The following NRAP variants were observed in gnomAD, a reference collection of about 807,000 sequenced individuals.
NRAP encodes the protein nebulin-related-anchoring protein.
In NRAP, 189 loss-of-function variants were observed where a neutral mutation model predicts 225.9. The observed-to-expected ratio is 0.84, with a 90% confidence interval of 0.74 to 0.94. The LOEUF (loss-of-function observed/expected upper bound fraction) is 0.94, where lower values mean the gene tolerates loss of function less well. Ranked by LOEUF, NRAP falls within the 40% of genes least tolerant of loss-of-function variation. NRAP has a pLI of 0.00. For missense variants in NRAP, 2,176 were observed against 2,168.7 expected (o/e 1.00, Z -0.07); for synonymous variants, 769 against 790.7 (o/e 0.97, Z 0.46).
intron 26 of NRAP, among the ~76,000 whole-genome samples, chr10:113,616,748 T>C (rs1847687360): frequency 6.6e-6 from 1 of 152,214 alleles, no homozygotes; most frequent in South Asian, 2.1e-4. Context: ...CATGGAAAGT[T>C]GAATGGTTTG....
At position 113,624,918 on chromosome 10, in the gene NRAP, C is replaced by T; in HGVS notation, c.2257G>A (p.Ala753Thr). ...QELQSGVAYK[A>T]GNEQSVHQYT... ...TGATGGACAGACTGCTCATTTCCTGCCTTGTAGGCCACCTGTTGGGAAAGA... is the reference window on the plus strand; with the variant it reads ...TGATGGACAGACTGCTCATTTCCTGTCTTGTAGGCCACCTGTTGGGAAAGA... The change falls in exon 22 of 42, where the codon GCA becomes ACA. Residue 753 changes from alanine (A) to threonine (T), a missense_variant. Ala to Thr is a moderately conservative substitution (Grantham distance 58). This residue lies in a region of NRAP where 1,708 missense variants were observed against 1,695.5 expected (regional missense o/e 1.01). Coordinates refer to ENST00000359988, the MANE Select transcript of NRAP (RefSeq NM_198060.4). The T allele has an allele frequency of 6.2e-7, 1 of 1,612,916 alleles. No individual in the cohort carries two copies. The highest frequency in any genetic ancestry group is 1.3e-5 in the African/African-American group (1 of 75,034).
At chr10:113,643,493 A>G (rs1288388661) in intron 11 of NRAP, among the ~76,000 whole-genome samples, 8 of 152,238 alleles carry the variant, frequency 5.3e-5, no homozygotes, top group Admixed American at 5.2e-4. Flanking sequence ...TTTATGATGT[A>G]TGCACATCTT....
chr10:113,620,583 C>A (rs1318001848), intron 25 of NRAP, 21 bp downstream of exon 25: 1 of 1,457,904 alleles, frequency 6.9e-7, no homozygotes, highest in Admixed American at 1.7e-5. Context: ...AGGCCTGTTA[C>A]AGGCTGTCAG....
intron 27 of NRAP, 53 bp downstream of exon 27, chr10:113,615,659 G>A: frequency 2.0e-6 from 2 of 987,426 alleles, no homozygotes; most frequent in East Asian, 4.8e-5. Context: ...GCCTGCCCAT[G>A]ACCAGCCCCG....
Position 113,628,913 on chromosome 10 carries a change from T to C in NRAP, c.2145+4A>G. 1.9e-6 allele frequency: 3 copies of C among 1,585,818 alleles called. No homozygotes were observed. Among genetic ancestry groups the C allele is most frequent in the African/African-American group, 1.3e-5 (1 of 74,228 alleles). On this transcript the variant is annotated splice_donor_region_variant and intron_variant, in intron 20 of 41. Transcript: ENST00000359988. ...TGGAGGCCAGAGGCCCCAGTGCAGGTTACCTCGCTGACCAGCTGTCCAGCC... is the reference window on the plus strand; with the variant it reads ...TGGAGGCCAGAGGCCCCAGTGCAGGCTACCTCGCTGACCAGCTGTCCAGCC...
chr10:113,653,102 C>T, intron 5 of NRAP, 63 bp from the exon 6 acceptor site: 1 of 885,098 alleles, frequency 1.1e-6, no homozygotes, highest in Non-Finnish European at 1.8e-6. Context: ...ACTAAGAAAA[C>T]CGCAATAAAA....
chr10:113,620,897 G>A (rs1452817270), intron 24 of NRAP, among the ~76,000 whole-genome samples, 189 bp from the exon 25 acceptor site: 4 of 152,126 alleles, frequency 2.6e-5, no homozygotes, highest in African/African-American at 7.2e-5. Flanking sequence ...CCTTTAATTG[G>A]AGCCATCCCT....
intron 22 of NRAP, among the ~76,000 whole-genome samples, chr10:113,623,879 T>C (rs1021299797): frequency 6.6e-6 from 1 of 152,122 alleles, no homozygotes; most frequent in African/African-American, 2.4e-5. Context: ...CCTTAACAAA[T>C]ACTAGGAGTT....
intron 32 of NRAP, among the ~76,000 whole-genome samples, chr10:113,607,111 G>T (rs1370384801): frequency 6.6e-6 from 1 of 151,986 alleles, no homozygotes; most frequent in East Asian, 1.9e-4. Flanking sequence ...CGAGGCAGGA[G>T]AATTGCTTGA....
chr10:113,606,437 T>C (rs1464414912), intron 32 of NRAP, among the ~76,000 whole-genome samples, 155 bp from the exon 33 acceptor site: 2 of 152,230 alleles, frequency 1.3e-5, no homozygotes, highest in Non-Finnish European at 2.9e-5. Context: ...AAGATGTTTA[T>C]TTCAATAAAG....
Position 113,634,191 on chromosome 10 carries a change from A to C in NRAP, c.1448T>G (p.Ile483Ser). The change falls in exon 15 of 42, where the codon ATC (isoleucine) becomes AGC (serine). Residue 483 changes from isoleucine to serine, a missense_variant. Around this residue, in one of 3 missense-constraint regions of NRAP, gnomAD observed 1,708 missense variants for 1,695.5 expected, o/e 1.01. Coordinates refer to ENST00000359988, the MANE Select transcript of NRAP (RefSeq NM_198060.4). ...CACCGAGCTGTACTTCAACTTGTCGATGCTCTGCCTATAATTGGCCTAGGT... is the reference window on the plus strand; with the variant it reads ...CACCGAGCTGTACTTCAACTTGTCGCTGCTCTGCCTATAATTGGCCTAGGT... ...PLKDANYRQS[I>S]DKLKYSSVTD... The C allele has an allele frequency of 6.2e-7, 1 of 1,613,020 alleles. No individual in the cohort carries two copies. Among genetic ancestry groups the C allele is most frequent in the Non-Finnish European group, 8.5e-7 (1 of 1,178,998 alleles).
At position 113,610,513 on chromosome 10, in the gene NRAP, A is replaced by G. The variant is rs1176381378; in HGVS notation, c.3549T>C (p.Ile1183=). Residue 1183 remains isoleucine (I), a synonymous_variant, in exon 31 of 42, where the codon ATT becomes ATC. Coordinates refer to ENST00000359988, the MANE Select transcript of NRAP (RefSeq NM_198060.4). ...TCCCTTCAATCTCTAACGTGCCTGG[A>G]ATGACACATGCAACACCTCGCATAA... ...LNFMRGVACV[I]PGTLEIEGRK... The G allele has an allele frequency of 5.0e-6, 8 of 1,606,080 alleles. No individual in the cohort carries two copies. In the South Asian group the frequency reaches 8.8e-5, roughly 18 times the overall value.
At chr10:113,612,165 G>T in intron 30 of NRAP, 69 bp downstream of exon 30, 1 of 1,283,624 alleles carries the variant, frequency 7.8e-7, no homozygotes, top group Non-Finnish European at 1.1e-6. Context: ...GCCAACAGGA[G>T]CCTGGAGGTC....
intron 41 of NRAP, 21 bp downstream of exon 41, chr10:113,589,645 G>A (rs1845829475): frequency 6.2e-7 from 1 of 1,607,426 alleles, no homozygotes; most frequent in African/African-American, 1.3e-5. Flanking sequence ...GCCAGGGGTG[G>A]CTTTGCAGCT....
intron 20 of NRAP, among the ~76,000 whole-genome samples, chr10:113,627,459 A>G (rs745396193): frequency 6.6e-6 from 1 of 152,224 alleles, no homozygotes; most frequent in African/African-American, 2.4e-5. Context: ...CTGAATCTCA[A>G]GGACCAACTG....
chr10:113,642,450 T>C (rs969417259), intron 12 of NRAP, among the ~76,000 whole-genome samples: 2 of 152,158 alleles, frequency 1.3e-5, no homozygotes, highest in Non-Finnish European at 2.9e-5. Context: ...TCCATGAGGA[T>C]ACATCTTCAG....
intron 34 of NRAP, among the ~76,000 whole-genome samples, chr10:113,605,238 C>T (rs550241607): frequency 1.3e-5 from 2 of 152,278 alleles, no homozygotes; most frequent in East Asian, 3.9e-4. Flanking sequence ...AACATTAAAC[C>T]CAAAAGACAG....
In NRAP at chr10:113,614,245, G is replaced by A. The variant is rs142106366; in HGVS notation, c.3238C>T (p.Arg1080Trp). 46 of 1,614,024 alleles carry A rather than the reference G, an allele frequency of 2.9e-5. No homozygotes were observed. The highest frequency in any genetic ancestry group is 6.7e-5 in the East Asian group (3 of 44,884). Residue 1080 changes from arginine (R) to tryptophan (W), a missense_variant, in exon 29 of 42, where the codon CGG (arginine) becomes TGG (tryptophan). Arg to Trp is a moderately radical substitution (Grantham distance 101, BLOSUM62 -3). Around this residue, in one of 3 missense-constraint regions of NRAP, gnomAD observed 1,708 missense variants for 1,695.5 expected, o/e 1.01. Transcript: ENST00000359988. ...EKMKGQMLGS[R>W]SLEDDISLAH... is the part of the protein sequence containing the mutation. ...AGGCTGATATCATCTTCCAAGCTCC[G>A]GGAACCAAGCATCTGTCCTTTCATT...
intron 38 of NRAP, among the ~76,000 whole-genome samples, chr10:113,592,955 G>C (rs984399301): frequency 1.3e-5 from 2 of 152,100 alleles, no homozygotes; most frequent in Admixed American, 6.5e-5. Flanking sequence ...GTTCTCACAC[G>C]CCCTCTGGGA....
Sources: gnomAD v4.1 joint callset for allele counts (sites outside exome capture counted in the v4.1 genomes callset) on GRCh38, gnomAD v4.1.1 for gene constraint, gnomAD v4.1.1 regional missense constraint, MANE v1.5 for transcripts, NCBI Gene and HGNC (gene_info 2026-07-23, HGNC 2026-07-21) for gene names.